The following GRID2 variants were observed in gnomAD, a reference collection of about 807,000 sequenced individuals.
The protein encoded by GRID2 is glutamate receptor ionotropic, delta-2.
A neutral mutation model predicts 114.8 loss-of-function variants in GRID2; 33 were observed. The ratio of observed to expected loss-of-function variants is 0.29; its 90% confidence interval spans 0.22 to 0.38. The LOEUF is 0.38. GRID2 is among the 10% of genes least tolerant of loss of function. The pLI is 1.00. For synonymous variants in GRID2, 505 were observed against 449.9 expected, an observed-to-expected ratio of 1.12 and a Z score of -1.55; for missense variants, 1,184 against 1,257.7, an observed-to-expected ratio of 0.94 and a Z score of 0.89.
At chr4:93,434,226 A>C (rs1330591277) in intron 10 of GRID2, among the ~76,000 whole-genome samples, 1 of 152,202 alleles carries the variant, frequency 6.6e-6, no homozygotes, top group African/African-American at 2.4e-5. Context: ...AAAATGTAAC[A>C]GATCCAACAC....
chr4:93,215,636 G>A lies in GRID2; in HGVS notation c.790-1102G>A, dbSNP rs895349340. 6.6e-5 allele frequency among the ~76,000 whole-genome samples: 10 copies of A among 150,886 alleles called. 1 individual carries two copies. The highest frequency in any genetic ancestry group is 1.3e-4 in the Non-Finnish European group (9 of 67,578). On this transcript the variant is annotated intron_variant, in intron 5 of 15. Transcript: ENST00000282020. ...ATTACACTAGAGCTAGCTGATGGGA[G>A]GCATCATTTTATTTTCAGAAAAATC...
At chr4:93,478,680 A>G (rs1486061130) in intron 11 of GRID2, among the ~76,000 whole-genome samples, 1 of 151,898 alleles carries the variant, frequency 6.6e-6, no homozygotes, top group Non-Finnish European at 1.5e-5. Context: ...AACTGTTAAC[A>G]TTAAAATATA....
At chr4:93,532,056 G>T (rs1048691119) in intron 13 of GRID2, among the ~76,000 whole-genome samples, 2 of 152,060 alleles carry the variant, frequency 1.3e-5, no homozygotes, top group African/African-American at 2.4e-5. Context: ...CCTACTAACT[G>T]GTTATGAGGC....
At chr4:92,471,185 T>C (rs1722016066) in intron 1 of GRID2, among the ~76,000 whole-genome samples, 1 of 152,068 alleles carries the variant, frequency 6.6e-6, no homozygotes, top group South Asian at 2.1e-4. Flanking sequence ...ATGTGAGTCA[T>C]TTAAACAACA....
At chr4:92,348,826 ACT>A (rs1335535815) in intron 1 of GRID2, among the ~76,000 whole-genome samples, 4 of 152,156 alleles carry the variant, frequency 2.6e-5, no homozygotes, top group Non-Finnish European at 5.9e-5. Context: ...AAGTAAACAA[ACT>A]CTGTGGAATT....
chr4:92,485,472 G>A (rs1265304325), intron 1 of GRID2, among the ~76,000 whole-genome samples: 3 of 150,330 alleles, frequency 2.0e-5, no homozygotes, highest in African/African-American at 7.4e-5. Context: ...GGCCCAGGTG[G>A]GTGGATCACC....
chr4:93,238,309 A>G (rs1314773983), intron 7 of GRID2, 62 bp from the exon 8 acceptor site: 1 of 1,242,458 alleles, frequency 8.0e-7, no homozygotes, highest in Admixed American at 2.2e-5. Context: ...AGTTCCTTTT[A>G]TGTTTATTTA....
chr4:92,623,340 C>G (rs1325902585), intron 2 of GRID2, among the ~76,000 whole-genome samples: 3 of 150,862 alleles, frequency 2.0e-5, no homozygotes, highest in East Asian at 2.0e-4. Flanking sequence ...CAGTGTAACC[C>G]TGCGACACAA....
intron 1 of GRID2, among the ~76,000 whole-genome samples, chr4:92,369,257 T>TA (rs1560590563): frequency 6.6e-6 from 1 of 152,088 alleles, no homozygotes; most frequent in African/African-American, 2.4e-5. Flanking sequence ...TTTCCCCTCA[T>TA]ACATGTCCCC....
At chr4:93,104,813 G>T (rs1000351393) in intron 3 of GRID2, among the ~76,000 whole-genome samples, 1 of 152,108 alleles carries the variant, frequency 6.6e-6, no homozygotes, top group Non-Finnish European at 1.5e-5. Flanking sequence ...AGTCCTTTGG[G>T]TATATACCCA....
At chr4:92,528,796 T>C (rs921645367) in intron 1 of GRID2, among the ~76,000 whole-genome samples, 1 of 149,902 alleles carries the variant, frequency 6.7e-6, no homozygotes, top group African/African-American at 2.5e-5. Flanking sequence ...GTCGTTTCTT[T>C]GTTCTAAATC....
intron 2 of GRID2, among the ~76,000 whole-genome samples, chr4:92,914,438 G>C (rs564447311): frequency 6.6e-6 from 1 of 151,702 alleles, no homozygotes. Context: ...TTTATTTCTG[G>C]TTTGGAGTGT....
Position 92,622,496 on chromosome 4 carries a change from G to A in GRID2, c.244+32210G>A, listed in dbSNP as rs544311425. 4.3e-4 allele frequency among the ~76,000 whole-genome samples: 66 copies of A among 151,814 alleles called. No homozygotes were observed. In the East Asian group the frequency reaches 0.012, roughly 27 times the overall value. On this transcript the variant is annotated intron_variant, in intron 2 of 15. Transcript: ENST00000282020. The stretch of plus-strand genomic sequence containing the variant: ...TTCTGTACAAGAGAGTAATAAGAAT[G>A]AGGGGAAAATTAAGTGGTTTAACAT...
intron 1 of GRID2, among the ~76,000 whole-genome samples, chr4:92,477,579 G>A (rs778482652): frequency 3.8e-4 from 57 of 151,508 alleles, no homozygotes; most frequent in Non-Finnish European, 7.2e-4. Flanking sequence ...TAGGGCATAT[G>A]AGCACAACAC....
chr4:93,416,291 T>C (rs1479920270), intron 9 of GRID2, among the ~76,000 whole-genome samples: 2 of 152,032 alleles, frequency 1.3e-5, no homozygotes, highest in African/African-American at 4.8e-5. Context: ...AGAAGAACAG[T>C]GGCCATTAAT....
chr4:93,120,988 A>G (rs1395831142), intron 4 of GRID2, among the ~76,000 whole-genome samples: 2 of 152,076 alleles, frequency 1.3e-5, no homozygotes, highest in Non-Finnish European at 2.9e-5. Flanking sequence ...AATAAATTTA[A>G]AAACCTAGAT....
At chr4:92,494,641 C>T (rs1441314101) in intron 1 of GRID2, among the ~76,000 whole-genome samples, 1 of 152,052 alleles carries the variant, frequency 6.6e-6, no homozygotes, top group Admixed American at 6.6e-5. Flanking sequence ...GATATAATTG[C>T]TGGCACACAT....
intron 1 of GRID2, among the ~76,000 whole-genome samples, chr4:93,804,824 T>C (rs530778510): frequency 2.0e-5 from 3 of 152,342 alleles, no homozygotes; most frequent in African/African-American, 7.2e-5. Context: ...CCATGATTTC[T>C]TCTTTTATTA....
rs567966245 is a variant in GRID2, at chr4:93,405,497, G to A, written c.1347+9789G>A. Among the ~76,000 whole-genome samples, 5 of 152,174 alleles carry A rather than the reference G, an allele frequency of 3.3e-5. No individual in the cohort carries two copies. In the South Asian group the frequency reaches 1.0e-3, roughly 32 times the overall value. The stretch of plus-strand genomic sequence containing the variant: ...CCTGAATTCTTAGACTAATCAATGA[G>A]TAAATATTTCAGAGATGTGTTATCT... On this transcript the variant is annotated intron_variant, in intron 9 of 15. Coordinates refer to ENST00000282020, the MANE Select transcript of GRID2 (RefSeq NM_001510.4).
Sources: allele counts gnomAD v4.1 joint callset (sites outside exome capture counted in the v4.1 genomes callset), GRCh38; gene constraint gnomAD v4.1.1; transcripts MANE v1.5; gene names NCBI Gene and HGNC (gene_info 2026-07-23, HGNC 2026-07-21).